The following TBC1D32 variants were observed in gnomAD, a reference collection of about 807,000 sequenced individuals.
TBC1D32 encodes the protein TBC1 domain family member 32, also known as protein broad-minded.
In TBC1D32, 151 loss-of-function variants were observed where a neutral mutation model predicts 170.3. The ratio of observed to expected loss-of-function variants is 0.89; its 90% CI spans 0.78 to 1.01. The LOEUF is 1.01. Ranked by LOEUF, TBC1D32 falls within the 50% of genes least tolerant of loss-of-function variation. TBC1D32 has a pLI of 0.00. For missense variants in TBC1D32, 1,464 were observed against 1,457.1 expected (o/e 1.00, Z -0.08); for synonymous variants, 498 against 488.0 (o/e 1.02, Z -0.27).
chr6:121,334,341 G>A lies in TBC1D32; in HGVS notation c.90C>T (p.Ala30=), dbSNP rs745471161. 18 of 1,614,118 alleles carry A rather than the reference G, an allele frequency of 1.1e-5. 1 individual carries two copies. The highest frequency in any genetic ancestry group is 4.4e-5 in the South Asian group (4 of 91,080). The part of the protein sequence containing the change: ...FQSVKEKITG[A]PSLECAEEIL... ...TCTCTTCGGCACACTCCAGGGAAGG[G>A]GCACCCGTGATTTTCTCCTTCACGC... The change falls in exon 1 of 32, where the codon GCC becomes GCT. Residue 30 remains alanine, a synonymous_variant. Transcript: ENST00000398212.
intron 15 of TBC1D32, among the ~76,000 whole-genome samples, chr6:121,265,551 A>G (rs975416804): frequency 4.7e-5 from 7 of 150,458 alleles, no homozygotes; most frequent in African/African-American, 1.7e-4. Flanking sequence ...ACAGAATTAG[A>G]AAAAAAACTA....
chr6:121,213,783 GA>G (rs1468014591), intron 21 of TBC1D32, among the ~76,000 whole-genome samples: 1 of 151,872 alleles, frequency 6.6e-6, no homozygotes, highest in Non-Finnish European at 1.5e-5. Flanking sequence ...CACAGAACTA[GA>G]AAAAAACTAT....
chr6:121,135,278 T>G (rs2128220854), intron 24 of TBC1D32, among the ~76,000 whole-genome samples: 1 of 152,270 alleles, frequency 6.6e-6, no homozygotes, highest in South Asian at 2.1e-4. Context: ...AATTCCATAT[T>G]TCCCAAAATT....
chr6:121,269,138 G>C (rs1202544930), intron 15 of TBC1D32, among the ~76,000 whole-genome samples: 2 of 152,096 alleles, frequency 1.3e-5, no homozygotes, highest in South Asian at 2.1e-4. Context: ...GGAACAACTG[G>C]TACCAGCCAC....
chr6:121,125,963 A>T (rs555572260), intron 26 of TBC1D32, among the ~76,000 whole-genome samples: 22 of 152,178 alleles, frequency 1.4e-4, no homozygotes, highest in Non-Finnish European at 3.2e-4. Flanking sequence ...TATCCAGGTG[A>T]TGTTTACTTA....
Position 121,308,107 on chromosome 6 carries a change from A to AT in TBC1D32, c.565-7dup. On this transcript the variant is annotated splice_polypyrimidine_tract_variant and splice_region_variant and intron_variant, in intron 4 of 31. Transcript: ENST00000398212. The stretch of plus-strand genomic sequence containing the variant: ...TGCAAGGCTTCATATCTCACCTACA[A>AT]TTTTTTTAAAAGACTTTTATTAACA... The AT allele has an allele frequency of 6.2e-7, 1 of 1,607,422 alleles. No individual in the cohort carries two copies. Among genetic ancestry groups the AT allele is most frequent in the South Asian group, 1.1e-5 (1 of 88,984 alleles).
intron 22 of TBC1D32, chr6:121,192,637 A>G (rs1037354272): frequency 6.6e-6 from 1 of 152,176 alleles, no homozygotes; most frequent in African/African-American, 2.4e-5. Flanking sequence ...GCCTCACCAG[A>G]TATCTACTGT....
intron 12 of TBC1D32, among the ~76,000 whole-genome samples, 186 bp downstream of exon 12, chr6:121,291,867 A>C (rs560181734): frequency 1.3e-5 from 2 of 152,252 alleles, no homozygotes; most frequent in African/African-American, 4.8e-5. Flanking sequence ...AAATACATGT[A>C]GAAAGAAGCA....
intron 21 of TBC1D32, among the ~76,000 whole-genome samples, chr6:121,222,365 C>T (rs1794623420): frequency 1.3e-5 from 2 of 151,938 alleles, no homozygotes; most frequent in South Asian, 2.1e-4. Flanking sequence ...TTAAGAAGTG[C>T]CAACATACAA....
chr6:121,281,781 G>A (rs529165948), intron 13 of TBC1D32, 95 bp from the exon 14 acceptor site: 2 of 888,130 alleles, frequency 2.3e-6, no homozygotes, highest in African/African-American at 3.5e-5. Flanking sequence ...CAACATCAAA[G>A]TTAATTCAGT....
At chr6:121,138,785 A>G (rs1782427811) in intron 24 of TBC1D32, among the ~76,000 whole-genome samples, 1 of 152,214 alleles carries the variant, frequency 6.6e-6, no homozygotes, top group Admixed American at 6.5e-5. Context: ...GGCTTTTAAA[A>G]TAAGCACACA....
chr6:121,171,798 TCAAA>T (rs1347022550), intron 22 of TBC1D32, among the ~76,000 whole-genome samples: 4 of 152,064 alleles, frequency 2.6e-5, no homozygotes, highest in Non-Finnish European at 4.4e-5. Flanking sequence ...TAAAAAGTGT[TCAAA>T]CAAACATATC....
At chr6:121,085,486 G>C (rs1776168472) in intron 31 of TBC1D32, among the ~76,000 whole-genome samples, 1 of 151,126 alleles carries the variant, frequency 6.6e-6, no homozygotes, top group Admixed American at 6.6e-5. Flanking sequence ...AGAAACTCCT[G>C]GATGCAGTCC....
intron 22 of TBC1D32, among the ~76,000 whole-genome samples, chr6:121,204,707 G>C (rs1187322146): frequency 6.6e-6 from 1 of 151,230 alleles, no homozygotes; most frequent in Admixed American, 6.6e-5. Context: ...TGGGCCTCAG[G>C]ATAAATCATC....
At chr6:121,220,640 CTT>C (rs923251281) in intron 21 of TBC1D32, among the ~76,000 whole-genome samples, 28 of 126,158 alleles carry the variant, frequency 2.2e-4, no homozygotes, top group Non-Finnish European at 2.6e-4. Flanking sequence ...TTTTCTTTTT[CTT>C]TTTTTTTTTT....
chr6:121,298,768 G>A (rs1350739140), intron 10 of TBC1D32, among the ~76,000 whole-genome samples: 2 of 151,800 alleles, frequency 1.3e-5, no homozygotes, highest in East Asian at 1.9e-4. Context: ...TCACAATTCC[G>A]GAATCTTTTC....
intron 31 of TBC1D32, among the ~76,000 whole-genome samples, chr6:121,081,451 T>C (rs1775637655): frequency 6.6e-6 from 1 of 152,122 alleles, no homozygotes; most frequent in Non-Finnish European, 1.5e-5. Context: ...TTTATGACCA[T>C]TCCTTTTAGT....
intron 20 of TBC1D32, among the ~76,000 whole-genome samples, chr6:121,238,050 C>T (rs947022657): frequency 2.6e-5 from 4 of 152,128 alleles, no homozygotes; most frequent in Non-Finnish European, 4.4e-5. Flanking sequence ...TCTGATATTT[C>T]TTTACAGTTC....
intron 26 of TBC1D32, among the ~76,000 whole-genome samples, chr6:121,125,562 G>A (rs1054745998): frequency 6.6e-6 from 1 of 151,976 alleles, no homozygotes; most frequent in Non-Finnish European, 1.5e-5. Context: ...GTTGCAACGG[G>A]GGGGTCAGAG....
Sources: allele counts gnomAD v4.1 joint callset (sites outside exome capture counted in the v4.1 genomes callset), GRCh38; gene constraint gnomAD v4.1.1; transcripts MANE v1.5; gene names NCBI Gene and HGNC (gene_info 2026-07-23, HGNC 2026-07-21).